Variants in YWHAE observed in about 807,000 individuals in gnomAD.
The protein encoded by YWHAE is 14-3-3 protein epsilon.
YWHAE carries 4 observed loss-of-function variants against 30.1 expected under a neutral mutation model. The ratio of observed to expected loss-of-function variants is 0.13; its 90% confidence interval spans 0.07 to 0.30. YWHAE has a LOEUF of 0.30. Among genes scored for constraint, YWHAE ranks in the 10% least tolerant of loss-of-function variants. YWHAE has a pLI of 1.00. For synonymous variants in YWHAE, 118 were observed against 111.8 expected (o/e 1.06, Z -0.35); for missense variants, 121 against 315.9 (o/e 0.38, Z 4.68).
chr17:1,346,722 C>T (rs2072523957), intron 5 of YWHAE, among the ~76,000 whole-genome samples: 1 of 152,188 alleles, frequency 6.6e-6, no homozygotes. Context: ...CACGGTGGCT[C>T]ACGCCTGTAA....
chr17:1,383,940 T>G (rs1005076361), intron 1 of YWHAE, among the ~76,000 whole-genome samples: 5 of 151,780 alleles, frequency 3.3e-5, no homozygotes, highest in Admixed American at 6.6e-5. Flanking sequence ...GCACAGTGGC[T>G]CACGCCTGTA....
At chr17:1,381,320 G>C (rs2073202575) in intron 1 of YWHAE, among the ~76,000 whole-genome samples, 1 of 152,036 alleles carries the variant, frequency 6.6e-6, no homozygotes, top group African/African-American at 2.4e-5. Context: ...TTCGAGACCA[G>C]CCTGACCAAC....
intron 1 of YWHAE, among the ~76,000 whole-genome samples, chr17:1,384,254 T>C (rs2073263815): frequency 6.6e-6 from 1 of 150,810 alleles, no homozygotes; most frequent in South Asian, 2.1e-4. Flanking sequence ...GGCACACCTG[T>C]AGTCCCAGCT....
chr17:1,356,216 A>ACACACAC (rs1567959079), intron 4 of YWHAE, among the ~76,000 whole-genome samples: 20 of 138,554 alleles, frequency 1.4e-4, no homozygotes, highest in Admixed American at 2.9e-4. Flanking sequence ...ACACACACAC[A>ACACACAC]AAATTAGCCG....
intron 2 of YWHAE, among the ~76,000 whole-genome samples, chr17:1,362,630 G>A (rs1045920985): frequency 6.6e-6 from 1 of 151,846 alleles, no homozygotes; most frequent in East Asian, 1.9e-4. Context: ...TGATCATGCT[G>A]AACACGCACA....
At chr17:1,388,118 GT>G (rs1297503908) in intron 1 of YWHAE, among the ~76,000 whole-genome samples, 3 of 15,504 alleles carry the variant, frequency 1.9e-4, no homozygotes, top group South Asian at 2.6e-3. Context: ...TTTTTGGTTG[GT>G]TTTTTTTTTT....
At chr17:1,381,832 G>C (rs1298609606) in intron 1 of YWHAE, among the ~76,000 whole-genome samples, 1 of 147,696 alleles carries the variant, frequency 6.8e-6, no homozygotes, top group African/African-American at 2.5e-5. Flanking sequence ...AGGATCACTG[G>C]AACGTGAGAG....
At chr17:1,379,653 C>A (rs566489032) in intron 1 of YWHAE, among the ~76,000 whole-genome samples, 1 of 152,244 alleles carries the variant, frequency 6.6e-6, no homozygotes, top group South Asian at 2.1e-4. Flanking sequence ...AAACAAAATG[C>A]AAGAATAGTG....
rs530824240 is a variant in YWHAE at position 1,354,072 on chromosome 17, A to G, written c.715+139T>C. 92 of 1,085,000 alleles carry G rather than the reference A, an allele frequency of 8.5e-5. No homozygotes were observed. The African/African-American group carries it at 1.4e-3, about 16-fold the overall frequency. The allele number at this position is 1,085,000 out of a possible 1,614,324, so 67.2% of individuals were successfully genotyped here. A position where few individuals can be genotyped will look rare whatever the true frequency, so the allele number is the denominator to read the frequency against. ...CTGTAGCACCATTTCCTATAAAGGCAGCAATTACAATTTCATAGAGGGCAG... is the reference window on the plus strand; with the variant it reads ...CTGTAGCACCATTTCCTATAAAGGCGGCAATTACAATTTCATAGAGGGCAG... On this transcript the variant is annotated intron_variant, in intron 5 of 5. Coordinates refer to ENST00000264335, the MANE Select transcript of YWHAE (RefSeq NM_006761.5).
intron 1 of YWHAE, among the ~76,000 whole-genome samples, chr17:1,391,248 AC>A (rs2073386089): frequency 6.6e-6 from 1 of 152,140 alleles, no homozygotes; most frequent in Non-Finnish European, 1.5e-5. Flanking sequence ...GGAAATTTTC[AC>A]TTTTCCTTTG....
intron 4 of YWHAE, among the ~76,000 whole-genome samples, chr17:1,355,572 G>C (rs1432119951): frequency 6.6e-6 from 1 of 152,156 alleles, no homozygotes. Context: ...CCATGGAAAT[G>C]TGATTATGTA....
chr17:1,388,125 T>G lies in YWHAE; in HGVS notation c.64+11922A>C, dbSNP rs1477747366. ...TGTTTTTTTTTTTGGTTGGTTTTTT[T>G]TTTTTTTTTTTTTTTTTAGTAGAGA... On this transcript the variant is annotated intron_variant, in intron 1 of 5. Transcript: ENST00000264335. Among the ~76,000 whole-genome samples, 78 of 95,256 alleles carry G rather than the reference T, an allele frequency of 8.2e-4. 4 individuals carry two copies. The highest frequency in any genetic ancestry group is 1.7e-3 in the African/African-American group (39 of 22,524). 62.5% of individuals were successfully genotyped at this position (95,256 alleles called of 152,430 possible).
intron 1 of YWHAE, among the ~76,000 whole-genome samples, chr17:1,390,847 G>C (rs759986840): frequency 2.0e-5 from 3 of 152,138 alleles, no homozygotes; most frequent in Non-Finnish European, 4.4e-5. Context: ...TGTTGGAAGG[G>C]CAATAAATTC....
rs528714042 is a variant in YWHAE, at chr17:1,370,332, C to T, written c.65-5274G>A. Among the ~76,000 whole-genome samples, 1,083 of 151,686 alleles carry T rather than the reference C, an allele frequency of 7.1e-3. 12 individuals carry two copies. Among genetic ancestry groups the T allele is most frequent in the African/African-American group, 0.023 (947 of 41,338 alleles). ...ATTTTTAGTAGAGGCGGGGTTTCAC[C>T]ATGTTAGCCAGGACGGTCTCGATCT... is the stretch of plus-strand genomic sequence containing the variant. On this transcript the variant is annotated intron_variant, in intron 1 of 5. Transcript: ENST00000264335.
chr17:1,399,219 T>C (rs1276242311), intron 1 of YWHAE: 1 of 152,054 alleles, frequency 6.6e-6, no homozygotes, highest in Non-Finnish European at 1.5e-5. Flanking sequence ...CCACGGGTGA[T>C]GGAGCCAGAG....
intron 4 of YWHAE, among the ~76,000 whole-genome samples, chr17:1,359,734 T>C (rs1326020375): frequency 1.3e-5 from 2 of 151,418 alleles, no homozygotes; most frequent in African/African-American, 4.9e-5. Flanking sequence ...TATAATTCGC[T>C]TTGTGTGGGG....
chr17:1,360,608 CA>C (rs147214674), intron 4 of YWHAE, among the ~76,000 whole-genome samples: 1 of 151,464 alleles, frequency 6.6e-6, no homozygotes, highest in South Asian at 2.1e-4. Context: ...ACTAAAAATA[CA>C]AAAAAAATTA....
chr17:1,359,809 TTGTTGTGTG>T (rs1250518303), intron 4 of YWHAE, among the ~76,000 whole-genome samples: 5 of 117,370 alleles, frequency 4.3e-5, no homozygotes, highest in East Asian at 2.6e-4. Flanking sequence ...TGCCACTAAA[TTGTTGTGTG>T]TGTGTGTGTG....
intron 1 of YWHAE, among the ~76,000 whole-genome samples, chr17:1,371,076 G>A (rs1227580890): frequency 1.3e-5 from 2 of 151,772 alleles, no homozygotes; most frequent in Non-Finnish European, 2.9e-5. Flanking sequence ...TACTGTGTGT[G>A]AGTGTGTGGT....
Sources: allele counts gnomAD v4.1 joint callset (sites outside exome capture counted in the v4.1 genomes callset), GRCh38; gene constraint gnomAD v4.1.1; transcripts MANE v1.5; gene names NCBI Gene and HGNC (gene_info 2026-07-23, HGNC 2026-07-21).